The following NRXN3 variants were observed in gnomAD, a reference collection of about 807,000 sequenced individuals.
NRXN3 encodes neurexin 3.
Under a neutral mutation model 137.6 loss-of-function variants are expected in NRXN3, and 32 were observed. That is an observed-to-expected ratio of 0.23 (90% confidence interval 0.18 to 0.31). The LOEUF is 0.31. Ranked by LOEUF, NRXN3 falls within the 10% of genes least tolerant of loss-of-function variation. The pLI is 1.00. For missense variants in NRXN3, 1,574 were observed against 2,062.5 expected (o/e 0.76, Z 4.59); for synonymous variants, 798 against 784.5 (o/e 1.02, Z -0.29).
chr14:78,375,036 A>G (rs554703464), intron 4 of NRXN3, among the ~76,000 whole-genome samples: 1 of 152,334 alleles, frequency 6.6e-6, no homozygotes, highest in African/African-American at 2.4e-5. Context: ...AAAGAAATCC[A>G]ACTATTCTTG....
chr14:79,111,403 G>T lies in NRXN3; in HGVS notation c.3262+123262G>T, dbSNP rs548971857. 2.6e-5 allele frequency among the ~76,000 whole-genome samples: 4 copies of T among 152,236 alleles called. No individual in the cohort carries two copies. The South Asian group carries it at 6.2e-4, about 24-fold the overall frequency. The stretch of plus-strand genomic sequence containing the variant: ...CTGCTGATGGCTGCTAGTGCTAGCT[G>T]CACAAAGCCCTGAGTTCTAGACCTT... On this transcript the variant is annotated intron_variant, in intron 15 of 20. Coordinates refer to ENST00000335750, the MANE Select transcript of NRXN3 (RefSeq NM_001330195.2).
intron 15 of NRXN3, among the ~76,000 whole-genome samples, chr14:79,085,790 G>A (rs758402525): frequency 6.6e-6 from 1 of 152,148 alleles, no homozygotes; most frequent in Non-Finnish European, 1.5e-5. Context: ...CACTTTTCCA[G>A]AAAAGATTCA....
At chr14:79,079,071 A>C (rs2046451855) in intron 15 of NRXN3, among the ~76,000 whole-genome samples, 1 of 152,128 alleles carries the variant, frequency 6.6e-6, no homozygotes, top group South Asian at 2.1e-4. Flanking sequence ...TCAGGAGGCA[A>C]CTCTGCTACT....
chr14:78,340,761 C>T (rs1028345612), intron 4 of NRXN3, among the ~76,000 whole-genome samples: 3 of 152,190 alleles, frequency 2.0e-5, no homozygotes, highest in African/African-American at 7.2e-5. Flanking sequence ...AAGCCCACTT[C>T]TGTTGGTCAA....
At chr14:78,295,885 G>T (rs1481015454) in intron 3 of NRXN3, among the ~76,000 whole-genome samples, 1 of 152,008 alleles carries the variant, frequency 6.6e-6, no homozygotes, top group South Asian at 2.1e-4. Context: ...AAATATTCAC[G>T]TGGGTCAAAT....
At chr14:79,655,400 T>C (rs1235647229) in intron 16 of NRXN3, among the ~76,000 whole-genome samples, 1 of 152,198 alleles carries the variant, frequency 6.6e-6, no homozygotes, top group Non-Finnish European at 1.5e-5. Flanking sequence ...GCTCTCCTTG[T>C]GTTCTGTTTG....
intron 6 of NRXN3, among the ~76,000 whole-genome samples, chr14:78,653,099 G>C (rs1386514486): frequency 1.3e-5 from 2 of 152,158 alleles, no homozygotes; most frequent in East Asian, 3.9e-4. Context: ...TCCAATTGTA[G>C]CTTTGTATTG....
intron 15 of NRXN3, among the ~76,000 whole-genome samples, chr14:79,101,938 G>C (rs982084776): frequency 2.6e-5 from 4 of 152,100 alleles, no homozygotes; most frequent in Non-Finnish European, 2.9e-5. Flanking sequence ...GACACACACA[G>C]GGAAAAATGC....
chr14:79,846,673 C>A (rs1273158579), intron 20 of NRXN3, among the ~76,000 whole-genome samples: 3 of 152,152 alleles, frequency 2.0e-5, no homozygotes, highest in Admixed American at 6.5e-5. Flanking sequence ...AATCTCTATT[C>A]TTTGTGACCC....
chr14:78,202,995 A>G (rs2061820777), intron 1 of NRXN3, among the ~76,000 whole-genome samples: 1 of 152,168 alleles, frequency 6.6e-6, no homozygotes, highest in Non-Finnish European at 1.5e-5. Context: ...CGGGGCTACC[A>G]TCCCCCTCTA....
chr14:78,738,486 A>G (rs1042239106), intron 8 of NRXN3, among the ~76,000 whole-genome samples: 4 of 152,152 alleles, frequency 2.6e-5, no homozygotes, highest in Non-Finnish European at 5.9e-5. Flanking sequence ...GGACAGTGGT[A>G]TCTGTCCGTG....
intron 1 of NRXN3, among the ~76,000 whole-genome samples, chr14:78,235,200 G>C (rs906379311): frequency 3.3e-5 from 5 of 151,584 alleles, no homozygotes; most frequent in Non-Finnish European, 7.4e-5. Context: ...ATTAGATATA[G>C]GCTGTAGTTT....
Position 79,637,729 on chromosome 14 carries a change from C to CTTTTTTTTTTTTTTTTT in NRXN3, c.3445-26047_3445-26031dup, listed in dbSNP as rs554654576. ...AACTGATGTAAGATATAGAAAAGTT[C>CTTTTTTTTTTTTTTTTT]TTTTTTTTTTTTTTTTTTGAGATGG... On this transcript the variant is annotated intron_variant, in intron 16 of 20. Transcript: ENST00000335750. 9.8e-4 allele frequency among the ~76,000 whole-genome samples: 94 copies of CTTTTTTTTTTTTTTTTT among 95,582 alleles called. 17 individuals carry two copies. The highest frequency in any genetic ancestry group is 3.2e-3 in the African/African-American group (59 of 18,388). 62.7% of individuals were successfully genotyped at this position (95,582 alleles called of 152,430 possible).
chr14:78,964,461 A>G (rs1223918330), intron 11 of NRXN3, among the ~76,000 whole-genome samples: 1 of 152,190 alleles, frequency 6.6e-6, no homozygotes, highest in Non-Finnish European at 1.5e-5. Flanking sequence ...AGCAAAGAGA[A>G]ACAGGAGGTG....
At chr14:78,678,415 T>C (rs1036686135) in intron 6 of NRXN3, among the ~76,000 whole-genome samples, 3 of 152,076 alleles carry the variant, frequency 2.0e-5, no homozygotes, top group South Asian at 4.2e-4. Context: ...CCCTAAGTGA[T>C]TGGAGCTAAA....
intron 4 of NRXN3, among the ~76,000 whole-genome samples, chr14:78,620,286 G>A (rs1306550718): frequency 6.6e-6 from 1 of 152,182 alleles, no homozygotes; most frequent in African/African-American, 2.4e-5. Context: ...GTTTACTGAG[G>A]TGTCTCCCTG....
At chr14:79,600,981 T>C (rs953192049) in intron 16 of NRXN3, among the ~76,000 whole-genome samples, 7 of 151,776 alleles carry the variant, frequency 4.6e-5, no homozygotes, top group Admixed American at 2.0e-4. Context: ...TCTATTTCTA[T>C]CTGTGTTCTT....
chr14:78,889,351 G>A (rs1024943183), intron 10 of NRXN3, among the ~76,000 whole-genome samples: 7 of 151,924 alleles, frequency 4.6e-5, no homozygotes, highest in Non-Finnish European at 1.0e-4. Context: ...CCTGCTGAGT[G>A]CAGTTTTGCT....
chr14:79,691,088 T>G (rs1167219765), intron 17 of NRXN3, among the ~76,000 whole-genome samples: 1 of 152,046 alleles, frequency 6.6e-6, no homozygotes, highest in African/African-American at 2.4e-5. Flanking sequence ...AAGGCATGGC[T>G]TCATCATTTT....
Sources: gnomAD v4.1 joint callset for allele counts (sites outside exome capture counted in the v4.1 genomes callset) on GRCh38, gnomAD v4.1.1 for gene constraint, MANE v1.5 for transcripts, NCBI Gene and HGNC (gene_info 2026-07-23, HGNC 2026-07-21) for gene names.